The following PPM1L variants were observed in gnomAD, a reference collection of about 807,000 sequenced individuals.
PPM1L encodes the protein protein phosphatase, Mg2+/Mn2+ dependent 1L, also known as protein phosphatase 1L.
Under a neutral mutation model 31.4 loss-of-function variants are expected in PPM1L, and 13 were observed. The observed-to-expected ratio is 0.41, with a 90% CI of 0.27 to 0.66. The LOEUF (loss-of-function observed/expected upper bound fraction) is 0.66, where lower values mean the gene tolerates loss of function less well. Ranked by LOEUF, PPM1L falls within the 30% of genes least tolerant of loss-of-function variation. The probability of loss-of-function intolerance (pLI) is 0.29; values close to 1 mark genes in which losing one functional copy is unlikely to be tolerated. For missense variants in PPM1L, 326 were observed against 453.7 expected (o/e 0.72, Z 2.56); for synonymous variants, 184 against 175.4 (o/e 1.05, Z -0.39).
chr3:160,758,769 C>T (rs1341451564), intron 1 of PPM1L, among the ~76,000 whole-genome samples: 3 of 152,128 alleles, frequency 2.0e-5, no homozygotes, highest in Admixed American at 6.5e-5. Flanking sequence ...ACGTACATGG[C>T]TTGTCATTAA....
rs1014006012 is a variant in PPM1L at position 161,076,500 on chromosome 3, A to G, written c.*7343A>G. On this transcript the variant is annotated 3_prime_UTR_variant, in exon 4 of 4. Transcript: ENST00000498165. ...AACCCATAACTTTTGCTTCTATTAT[A>G]GAAAGCAGTGTTTGTTCTTTTTAAT... is the stretch of plus-strand genomic sequence containing the variant. 1 of 152,268 alleles carries G rather than the reference A, an allele frequency of 6.6e-6. No individual in the cohort carries two copies. The highest frequency in any genetic ancestry group is 2.4e-5 in the African/African-American group (1 of 41,478). The allele number at this position is 152,268 out of a possible 1,614,324, so 9.4% of individuals were successfully genotyped here.
intron 1 of PPM1L, among the ~76,000 whole-genome samples, chr3:160,773,853 C>T (rs1037224221): frequency 9.9e-5 from 15 of 152,052 alleles, no homozygotes; most frequent in African/African-American, 3.6e-4. Flanking sequence ...CAGAGACTCA[C>T]CCCCTTGGTT....
intron 2 of PPM1L, among the ~76,000 whole-genome samples, chr3:161,031,564 G>A (rs543928523): frequency 6.4e-5 from 9 of 140,814 alleles, no homozygotes; most frequent in Admixed American, 3.1e-4. Flanking sequence ...GCAGTGGTGC[G>A]ATCATAGCTC....
intron 2 of PPM1L, among the ~76,000 whole-genome samples, chr3:160,969,561 A>T (rs1182808927): frequency 6.6e-6 from 1 of 152,242 alleles, no homozygotes; most frequent in African/African-American, 2.4e-5. Flanking sequence ...ATTTGCAGGA[A>T]GTTCTTCACT....
chr3:160,799,885 C>T (rs955700147), intron 1 of PPM1L, among the ~76,000 whole-genome samples: 3 of 152,054 alleles, frequency 2.0e-5, no homozygotes, highest in Non-Finnish European at 4.4e-5. Flanking sequence ...TATCTATTGA[C>T]CTATTATTTA....
At chr3:160,886,266 G>A (rs1160549771) in intron 1 of PPM1L, among the ~76,000 whole-genome samples, 1 of 152,196 alleles carries the variant, frequency 6.6e-6, no homozygotes, top group Admixed American at 6.5e-5. Flanking sequence ...AGCAGACTTA[G>A]GTTTTCTTCC....
rs1377069744 is a variant in PPM1L, at chr3:160,756,631, G to T, written c.323G>T (p.Arg108Leu). The change falls in exon 1 of 4, where the codon CGC (arginine) becomes CTC (leucine). Residue 108 changes from arginine to leucine, a missense_variant. This residue lies in a region of PPM1L where 83 missense variants were observed against 79.4 expected (regional missense o/e 1.04). Coordinates refer to ENST00000498165, the MANE Select transcript of PPM1L (RefSeq NM_139245.4). The surrounding 1 kb of genome is among the most constrained non-coding windows in gnomAD (Gnocchi z 6.2). ...IQGRRDHMED[R>L]FEVLTDLANK... The stretch of plus-strand genomic sequence containing the variant: ...GGCCGGAGAGACCACATGGAGGACC[G>T]CTTCGAAGTTCTCACGGATCTGGCC... 1 of 1,614,032 alleles carries T rather than the reference G, an allele frequency of 6.2e-7. No homozygotes were observed. Among genetic ancestry groups the T allele is most frequent in the Non-Finnish European group, 8.5e-7 (1 of 1,180,032 alleles).
intron 1 of PPM1L, among the ~76,000 whole-genome samples, chr3:160,851,980 G>C (rs1227085936): frequency 6.6e-6 from 1 of 152,008 alleles, no homozygotes; most frequent in Non-Finnish European, 1.5e-5. Context: ...TTAGAACTTT[G>C]ATGAAGAAAA....
chr3:160,879,036 C>A lies in PPM1L; in HGVS notation c.400-82700C>A, dbSNP rs187761461. On this transcript the variant is annotated intron_variant, in intron 1 of 3. Transcript: ENST00000498165. Reference sequence around the variant, plus strand: ...ACTTTGCTTGAGGATAGTGAGGACACCTTGTGTGCAAGGAGAAACATTTGC... The same window carrying A: ...ACTTTGCTTGAGGATAGTGAGGACAACTTGTGTGCAAGGAGAAACATTTGC... 3.8e-3 allele frequency among the ~76,000 whole-genome samples: 575 copies of A among 152,290 alleles called. 10 individuals are homozygous for A. The highest frequency in any genetic ancestry group is 5.8e-3 in the Non-Finnish European group (395 of 68,024).
At chr3:160,887,054 C>T (rs1004891194) in intron 1 of PPM1L, among the ~76,000 whole-genome samples, 3 of 151,688 alleles carry the variant, frequency 2.0e-5, no homozygotes, top group Non-Finnish European at 4.4e-5. Flanking sequence ...ACAAGAGCTT[C>T]GTGAAGCATA....
chr3:160,958,182 T>G (rs1422162423), intron 1 of PPM1L, among the ~76,000 whole-genome samples: 1 of 152,214 alleles, frequency 6.6e-6, no homozygotes, highest in Non-Finnish European at 1.5e-5. Flanking sequence ...TTTGTCAATT[T>G]TTGCTTTTTT....
intron 1 of PPM1L, among the ~76,000 whole-genome samples, chr3:160,874,154 G>A (rs191580159): frequency 6.6e-5 from 10 of 152,256 alleles, no homozygotes; most frequent in Non-Finnish European, 1.5e-4. Context: ...AAGCTAGGCT[G>A]CAGCCATGTG....
rs534046624 is a variant in PPM1L at position 160,879,117 on chromosome 3, T to G, written c.400-82619T>G. On this transcript the variant is annotated intron_variant, in intron 1 of 3. Coordinates refer to ENST00000498165, the MANE Select transcript of PPM1L (RefSeq NM_139245.4). ...GAAGGCAAACAGAACATTTTCATAT[T>G]AAAAGTTTGAAGGTTATATCCTGCC... 4.6e-5 allele frequency among the ~76,000 whole-genome samples: 7 copies of G among 152,346 alleles called. No homozygotes were observed. In the East Asian group the frequency reaches 1.4e-3, roughly 29 times the overall value.
intron 1 of PPM1L, among the ~76,000 whole-genome samples, chr3:160,949,869 T>C (rs956052990): frequency 4.6e-5 from 7 of 152,176 alleles, no homozygotes; most frequent in African/African-American, 1.7e-4. Context: ...GCAACCAAGG[T>C]GATGATTCCT....
chr3:161,063,477 G>C (rs1198621314), intron 2 of PPM1L, among the ~76,000 whole-genome samples: 2 of 140,154 alleles, frequency 1.4e-5, no homozygotes, highest in African/African-American at 2.9e-5. Flanking sequence ...TATTATGATA[G>C]TTATTTTAAT....
chr3:160,945,283 T>G (rs1715374640), intron 1 of PPM1L, among the ~76,000 whole-genome samples: 1 of 151,734 alleles, frequency 6.6e-6, no homozygotes, highest in Admixed American at 6.6e-5. Context: ...TGCTCAACTC[T>G]ACCATTATAG....
chr3:160,969,417 C>A (rs1165205077), intron 2 of PPM1L, among the ~76,000 whole-genome samples: 6 of 152,068 alleles, frequency 3.9e-5, no homozygotes, highest in Non-Finnish European at 8.8e-5. Flanking sequence ...TCAGTAATCT[C>A]AAAAGAAAGG....
At chr3:160,835,149 CTTT>C (rs374361985) in intron 1 of PPM1L, among the ~76,000 whole-genome samples, 61 of 50,634 alleles carry the variant, frequency 1.2e-3, no homozygotes, top group African/African-American at 4.3e-3. Context: ...CTTTTTCTTC[CTTT>C]TTTTTTTTTT....
At chr3:160,907,800 G>A (rs904418343) in intron 1 of PPM1L, among the ~76,000 whole-genome samples, 5 of 152,198 alleles carry the variant, frequency 3.3e-5, no homozygotes, top group East Asian at 1.9e-4. Flanking sequence ...AACATATGAC[G>A]GAGGGAATGC....
Sources: allele counts gnomAD v4.1 joint callset (sites outside exome capture counted in the v4.1 genomes callset), GRCh38; gene constraint gnomAD v4.1.1; regional missense constraint gnomAD v4.1.1; non-coding constraint Gnocchi (gnomAD v3.1); transcripts MANE v1.5; gene names NCBI Gene and HGNC (gene_info 2026-07-23, HGNC 2026-07-21).